MTUS2: variants seen among roughly 807,000 people sequenced by gnomAD.
MTUS2 encodes microtubule-associated tumor suppressor candidate 2.
A neutral mutation model predicts 114.1 loss-of-function variants in MTUS2; 40 were observed. The ratio of observed to expected loss-of-function variants is 0.35; its 90% CI spans 0.27 to 0.46. The LOEUF (loss-of-function observed/expected upper bound fraction) is 0.46. MTUS2 is among the 20% of genes least tolerant of loss of function. The probability of loss-of-function intolerance (pLI) is 1.00; values close to 1 mark genes in which losing one functional copy is unlikely to be tolerated. For missense variants in MTUS2, 1,679 were observed against 1,705.4 expected, an observed-to-expected ratio of 0.98 and a Z score of 0.27; for synonymous variants, 688 against 672.0, an observed-to-expected ratio of 1.02 and a Z score of -0.37.
intron 4 of MTUS2, among the ~76,000 whole-genome samples, chr13:29,074,456 G>A (rs1047440748): frequency 6.6e-5 from 10 of 152,104 alleles, no homozygotes; most frequent in Admixed American, 5.9e-4. Context: ...GGAACTGTGC[G>A]TCATTTTTTA....
At chr13:29,196,889 C>T (rs79930333) in intron 5 of MTUS2, among the ~76,000 whole-genome samples, 63 of 152,242 alleles carry the variant, frequency 4.1e-4, no homozygotes, top group African/African-American at 1.5e-3. Flanking sequence ...TTGGCTATTT[C>T]GAATAAGGCT....
At chr13:29,144,180 A>G (rs1160140653) in intron 5 of MTUS2, among the ~76,000 whole-genome samples, 1 of 152,206 alleles carries the variant, frequency 6.6e-6, no homozygotes, top group Non-Finnish European at 1.5e-5. Context: ...ATAAATAACT[A>G]TTAGTTTTCC....
At chr13:28,824,432 G>A (rs939289189) in intron 1 of MTUS2, among the ~76,000 whole-genome samples, 6 of 152,124 alleles carry the variant, frequency 3.9e-5, no homozygotes, top group African/African-American at 1.4e-4. Context: ...GTCACAGATG[G>A]CCTAGTCTCA....
chr13:28,900,241 G>A (rs557991880), intron 2 of MTUS2, among the ~76,000 whole-genome samples: 1 of 152,272 alleles, frequency 6.6e-6, no homozygotes, highest in Admixed American at 6.5e-5. Context: ...TACAATATTG[G>A]CATTGATACA....
At chr13:29,476,362 G>T (rs1034175685) in intron 9 of MTUS2, among the ~76,000 whole-genome samples, 1 of 1,436 alleles carries the variant, frequency 7.0e-4, no homozygotes, top group Non-Finnish European at 2.5e-3. Context: ...TTGTGGTAGG[G>T]TTTTCATTGT....
At chr13:29,396,975 G>C (rs1873956077) in intron 8 of MTUS2, among the ~76,000 whole-genome samples, 1 of 152,218 alleles carries the variant, frequency 6.6e-6, no homozygotes, top group Non-Finnish European at 1.5e-5. Flanking sequence ...TAGAGGCAGA[G>C]TCCAAGACAG....
intron 8 of MTUS2, among the ~76,000 whole-genome samples, chr13:29,430,933 T>G (rs1876949889): frequency 6.6e-6 from 1 of 152,210 alleles, no homozygotes; most frequent in Non-Finnish European, 1.5e-5. Context: ...CCTGGTAAAA[T>G]TGTTGATAGA....
chr13:29,049,044 T>C (rs1593421047), intron 4 of MTUS2, among the ~76,000 whole-genome samples: 1 of 152,206 alleles, frequency 6.6e-6, no homozygotes, highest in Admixed American at 6.5e-5. Context: ...AAACATGTAC[T>C]GTCTGACCCG....
intron 8 of MTUS2, among the ~76,000 whole-genome samples, chr13:29,432,281 T>A (rs946902487): frequency 6.6e-6 from 1 of 152,034 alleles, no homozygotes; most frequent in African/African-American, 2.4e-5. Flanking sequence ...CCCAGATGGA[T>A]CCCAAAGGGC....
chr13:28,957,839 G>A (rs1041861724), intron 2 of MTUS2, among the ~76,000 whole-genome samples: 7 of 152,200 alleles, frequency 4.6e-5, no homozygotes, highest in African/African-American at 1.7e-4. Flanking sequence ...GCACAGATGT[G>A]CATGAACCCT....
intron 2 of MTUS2, among the ~76,000 whole-genome samples, chr13:28,931,167 C>A (rs1046945491): frequency 6.6e-6 from 1 of 152,190 alleles, no homozygotes; most frequent in East Asian, 1.9e-4. Flanking sequence ...CCGTGACTTG[C>A]TTTGGCTGAT....
chr13:29,261,577 A>G (rs1897472733), intron 5 of MTUS2, among the ~76,000 whole-genome samples: 2 of 152,230 alleles, frequency 1.3e-5, no homozygotes, highest in African/African-American at 4.8e-5. Context: ...AAGCTACAGA[A>G]ATAGAGCACC....
chr13:29,356,433 C>T (rs1043367196), intron 7 of MTUS2, among the ~76,000 whole-genome samples: 142 of 152,328 alleles, frequency 9.3e-4, no homozygotes, highest in Middle Eastern at 3.4e-3. Flanking sequence ...GAAGCAAACA[C>T]CTGTTCTGAA....
chr13:29,157,449 GAAT>G lies in MTUS2; in HGVS notation c.2644+56480_2644+56482del, dbSNP rs1055207441. Among the ~76,000 whole-genome samples the G allele has an allele frequency of 5.3e-5, 8 of 152,244 alleles. No individual in the cohort carries two copies. The East Asian group carries it at 1.2e-3, about 22-fold the overall frequency. On this transcript the variant is annotated intron_variant, in intron 5 of 15. Transcript: ENST00000612955. ...TTCATGGGTCTATGAATAAATATTA[GAAT>G]TTGATTCAGTTTAGCAAGTGGTGGT...
At chr13:29,392,140 A>AC (rs1555273185) in intron 8 of MTUS2, among the ~76,000 whole-genome samples, 1 of 37,810 alleles carries the variant, frequency 2.6e-5, no homozygotes, top group Non-Finnish European at 6.9e-5. Context: ...AAAAAAAAAA[A>AC]CAAACCAAAA....
intron 9 of MTUS2, among the ~76,000 whole-genome samples, chr13:29,442,881 C>G (rs1212446778): frequency 1.3e-5 from 2 of 152,016 alleles, no homozygotes; most frequent in Non-Finnish European, 2.9e-5. Flanking sequence ...AGTGTTACCC[C>G]CTGTAATTTA....
intron 2 of MTUS2, among the ~76,000 whole-genome samples, chr13:28,845,307 C>A (rs1023954581): frequency 7.2e-5 from 11 of 152,206 alleles, no homozygotes; most frequent in African/African-American, 2.7e-4. Context: ...ATGTAAACTT[C>A]ACAAGGGTGG....
At chr13:29,363,640 G>T (rs9508413) in intron 8 of MTUS2, among the ~76,000 whole-genome samples, 48,600 of 151,848 alleles carry the variant, frequency 0.32, 7,846 homozygotes, top group Middle Eastern at 0.38. Flanking sequence ...TGCCATATTT[G>T]CTTTATCTGT....
At chr13:28,851,294 T>C (rs900227276) in intron 2 of MTUS2, among the ~76,000 whole-genome samples, 1 of 152,254 alleles carries the variant, frequency 6.6e-6, no homozygotes, top group African/African-American at 2.4e-5. Context: ...TTCAAAATTA[T>C]GTTTTTAAAT....
Sources: allele counts gnomAD v4.1 joint callset (sites outside exome capture counted in the v4.1 genomes callset), GRCh38; gene constraint gnomAD v4.1.1; transcripts MANE v1.5; gene names NCBI Gene and HGNC (gene_info 2026-07-23, HGNC 2026-07-21).